GPC5: variants seen among roughly 807,000 people sequenced by gnomAD.
GPC5 encodes glypican-5.
GPC5 carries 47 observed loss-of-function variants against 53.9 expected under a neutral mutation model. The ratio of observed to expected loss-of-function variants is 0.87; its 90% CI spans 0.69 to 1.11. The LOEUF is 1.11. Ranked by LOEUF, GPC5 falls within the 50% of genes most tolerant of loss-of-function variation. The pLI is 0.00. For synonymous variants in GPC5, 286 were observed against 263.3 expected (o/e 1.09, Z -0.84); for missense variants, 748 against 713.1 (o/e 1.05, Z -0.56).
rs148690240 is a variant in GPC5 at position 91,603,958 on chromosome 13, T to A, written c.326-89229T>A. Among the ~76,000 whole-genome samples the A allele has an allele frequency of 2.0e-3, 300 of 152,098 alleles. 1 individual carries two copies. Among genetic ancestry groups the A allele is most frequent in the African/African-American group, 6.0e-3 (249 of 41,532 alleles). ...CCTGCTGTTCTTACTAGTTTTTTTT[T>A]TTATTATTATACTTTTAAGTTTTAG... On this transcript the variant is annotated intron_variant, in intron 2 of 7. Transcript: ENST00000377067.
intron 7 of GPC5, among the ~76,000 whole-genome samples, chr13:92,479,590 C>T (rs966936821): frequency 6.6e-6 from 1 of 152,100 alleles, no homozygotes; most frequent in Non-Finnish European, 1.5e-5. Context: ...GACATAGTTC[C>T]TCCTCCTCCC....
intron 5 of GPC5, among the ~76,000 whole-genome samples, chr13:91,761,207 G>C (rs2037403949): frequency 6.6e-6 from 1 of 152,120 alleles, no homozygotes; most frequent in African/African-American, 2.4e-5. Flanking sequence ...TCCTGTAACT[G>C]TCCCTCAGTC....
intron 7 of GPC5, among the ~76,000 whole-genome samples, chr13:92,407,389 T>G (rs998157731): frequency 5.9e-5 from 9 of 152,192 alleles, no homozygotes; most frequent in African/African-American, 2.2e-4. Flanking sequence ...CGACAAGATA[T>G]TCTCTATATT....
intron 7 of GPC5, among the ~76,000 whole-genome samples, chr13:92,675,167 AAAT>A (rs1886895818): frequency 6.6e-6 from 1 of 152,106 alleles, no homozygotes; most frequent in Non-Finnish European, 1.5e-5. Flanking sequence ...GAGAGTTATA[AAAT>A]AATATTTGGG....
intron 6 of GPC5, among the ~76,000 whole-genome samples, chr13:92,054,225 GCA>G (rs139252331): frequency 1.4e-5 from 2 of 145,804 alleles, no homozygotes; most frequent in South Asian, 2.2e-4. Context: ...TGTTTATTAA[GCA>G]CACACACACA....
intron 7 of GPC5, among the ~76,000 whole-genome samples, chr13:92,367,228 A>T (rs1594137305): frequency 6.6e-6 from 1 of 152,198 alleles, no homozygotes; most frequent in East Asian, 1.9e-4. Context: ...TGGCATTTTC[A>T]TAGCTATGAG....
rs115934517 is a variant in GPC5, at chr13:91,928,449, C to T, written c.1401+20392C>T. ...TGCCCCTTCCTTTACTAAATGTGAG[C>T]GATGTTTCAGTATAGGAGGCCAGAA... On this transcript the variant is annotated intron_variant, in intron 6 of 7. Transcript: ENST00000377067. Among the ~76,000 whole-genome samples the T allele has an allele frequency of 5.2e-3, 791 of 152,174 alleles. 7 individuals are homozygous for T. Among genetic ancestry groups the T allele is most frequent in the African/African-American group, 0.018 (758 of 41,512 alleles).
intron 2 of GPC5, among the ~76,000 whole-genome samples, chr13:91,579,198 C>G (rs1007622473): frequency 1.3e-5 from 2 of 152,184 alleles, no homozygotes; most frequent in Admixed American, 1.3e-4. Context: ...AACCAGAGAG[C>G]CATACAGGTT....
At chr13:92,414,348 T>TA (rs1266648421) in intron 7 of GPC5, among the ~76,000 whole-genome samples, 12 of 151,444 alleles carry the variant, frequency 7.9e-5, no homozygotes, top group African/African-American at 2.9e-4. Context: ...CTACTAAAAA[T>TA]AAAAAAATTA....
chr13:92,515,751 A>C (rs1357199572), intron 7 of GPC5, among the ~76,000 whole-genome samples: 1 of 152,202 alleles, frequency 6.6e-6, no homozygotes, highest in African/African-American at 2.4e-5. Context: ...GCCTTAAGAC[A>C]ATTATTGGTT....
chr13:91,776,884 T>C (rs929662207), intron 5 of GPC5, among the ~76,000 whole-genome samples: 7 of 152,202 alleles, frequency 4.6e-5, no homozygotes, highest in African/African-American at 1.7e-4. Context: ...GTGCCTGTCA[T>C]CATGCAACCA....
chr13:92,229,032 AAAG>A (rs1362904994), intron 7 of GPC5, among the ~76,000 whole-genome samples: 2 of 152,176 alleles, frequency 1.3e-5, no homozygotes, highest in Admixed American at 6.5e-5. Flanking sequence ...TTTGCACAAG[AAAG>A]AAAAAGTGAT....
chr13:91,783,050 C>T (rs138482662), intron 5 of GPC5, among the ~76,000 whole-genome samples: 49 of 151,758 alleles, frequency 3.2e-4, no homozygotes, highest in African/African-American at 1.2e-3. Flanking sequence ...GTCAAGAGTT[C>T]GAGACCACCC....
intron 4 of GPC5, among the ~76,000 whole-genome samples, chr13:91,734,134 G>A (rs957340665): frequency 6.6e-6 from 1 of 150,574 alleles, no homozygotes. Flanking sequence ...TATGTTTATT[G>A]ATTTGCGTAT....
rs576973915 is a variant in GPC5, at chr13:91,613,764, G to A, written c.326-79423G>A. Among the ~76,000 whole-genome samples the A allele has an allele frequency of 9.3e-4, 141 of 152,254 alleles. 1 individual carries two copies. The highest frequency in any genetic ancestry group is 1.7e-3 in the Non-Finnish European group (115 of 68,020). On this transcript the variant is annotated intron_variant, in intron 2 of 7. Coordinates refer to ENST00000377067, the MANE Select transcript of GPC5 (RefSeq NM_004466.6). ...GTAGGTTTTGGATTTAAGGAATTGCGATAGATGGAATTGGAAAAATTTGAG... is the reference window on the plus strand; with the variant it reads ...GTAGGTTTTGGATTTAAGGAATTGCAATAGATGGAATTGGAAAAATTTGAG...
At chr13:92,257,712 G>A (rs867230713) in intron 7 of GPC5, among the ~76,000 whole-genome samples, 10 of 151,526 alleles carry the variant, frequency 6.6e-5, no homozygotes, top group South Asian at 4.2e-4. Flanking sequence ...CACCACACCC[G>A]GCTCATTTTT....
chr13:92,558,632 G>A (rs1940471593), intron 7 of GPC5, among the ~76,000 whole-genome samples: 1 of 151,890 alleles, frequency 6.6e-6, no homozygotes, highest in Non-Finnish European at 1.5e-5. Context: ...GGGTAAGCAG[G>A]GAAGGTATAT....
chr13:91,409,885 C>A (rs1013205374), intron 1 of GPC5, among the ~76,000 whole-genome samples: 1 of 152,150 alleles, frequency 6.6e-6, no homozygotes, highest in Non-Finnish European at 1.5e-5. Flanking sequence ...TAGAAGTTCC[C>A]AGTGTCTGTG....
At chr13:91,432,119 A>G (rs1247623191) in intron 1 of GPC5, among the ~76,000 whole-genome samples, 3 of 151,910 alleles carry the variant, frequency 2.0e-5, no homozygotes, top group Non-Finnish European at 4.4e-5. Flanking sequence ...GGTCTCTTTT[A>G]AAACTTAGGG....
Sources: gnomAD v4.1 joint callset for allele counts (sites outside exome capture counted in the v4.1 genomes callset) on GRCh38, gnomAD v4.1.1 for gene constraint, MANE v1.5 for transcripts, NCBI Gene and HGNC (gene_info 2026-07-23, HGNC 2026-07-21) for gene names.